TENM4: variants seen among roughly 807,000 people sequenced by gnomAD.
TENM4 encodes the protein teneurin-4.
Under a neutral mutation model 243.3 loss-of-function variants are expected in TENM4, and 82 were observed. The observed-to-expected ratio is 0.34, with a 90% CI of 0.28 to 0.40. The LOEUF (loss-of-function observed/expected upper bound fraction) is 0.40. Ranked by LOEUF, TENM4 falls within the 10% of genes least tolerant of loss-of-function variation. The probability of loss-of-function intolerance (pLI) is 1.00; values close to 1 mark genes in which losing one functional copy is unlikely to be tolerated. For missense variants in TENM4, 3,138 were observed against 3,673.3 expected (o/e 0.85, Z 3.77); for synonymous variants, 1,412 against 1,456.3 (o/e 0.97, Z 0.69).
At chr11:78,753,090 T>C (rs1462144642) in intron 19 of TENM4, among the ~76,000 whole-genome samples, 1 of 152,198 alleles carries the variant, frequency 6.6e-6, no homozygotes, top group Non-Finnish European at 1.5e-5. Context: ...GGAATTTTCC[T>C]AAGGTTACAA....
chr11:79,376,446 T>C (rs1452124100), intron 1 of TENM4, among the ~76,000 whole-genome samples: 1 of 152,240 alleles, frequency 6.6e-6, no homozygotes, highest in Non-Finnish European at 1.5e-5. Flanking sequence ...TGGGGCTACC[T>C]GCCTCACTCC....
chr11:78,705,245 C>T (rs1461619661), intron 27 of TENM4, among the ~76,000 whole-genome samples: 2 of 152,136 alleles, frequency 1.3e-5, no homozygotes, highest in African/African-American at 2.4e-5. Flanking sequence ...ATGAAAAGAT[C>T]GTTCCTTGAT....
At chr11:78,931,300 T>C (rs987164216) in intron 6 of TENM4, among the ~76,000 whole-genome samples, 12 of 152,188 alleles carry the variant, frequency 7.9e-5, no homozygotes, top group Admixed American at 2.6e-4. Context: ...GTCTGAGTCC[T>C]AACAGCAGGC....
chr11:79,257,468 A>T (rs1855719479), intron 2 of TENM4, among the ~76,000 whole-genome samples: 1 of 152,126 alleles, frequency 6.6e-6, no homozygotes. Context: ...GAGGGAGAGG[A>T]CACCAGCCAG....
chr11:78,744,335 G>A (rs1044999282), intron 19 of TENM4, among the ~76,000 whole-genome samples: 1 of 152,162 alleles, frequency 6.6e-6, no homozygotes, highest in Non-Finnish European at 1.5e-5. Context: ...AACATCTTCT[G>A]CCTATATACG....
At chr11:78,902,166 A>G (rs918414748) in intron 7 of TENM4, among the ~76,000 whole-genome samples, 1 of 152,186 alleles carries the variant, frequency 6.6e-6, no homozygotes, top group Non-Finnish European at 1.5e-5. Flanking sequence ...AGCCTAGGAC[A>G]CTTCATCTAC....
chr11:79,118,550 GCCCTATT>G (rs1026910673), intron 4 of TENM4, among the ~76,000 whole-genome samples: 50 of 152,014 alleles, frequency 3.3e-4, no homozygotes, highest in African/African-American at 1.2e-3. Flanking sequence ...AGACAATAAA[GCCCTATT>G]CCCCCTTCCC....
At chr11:78,913,121 T>C (rs565284354) in intron 6 of TENM4, among the ~76,000 whole-genome samples, 28 of 152,326 alleles carry the variant, frequency 1.8e-4, no homozygotes, top group African/African-American at 6.7e-4. Flanking sequence ...GCAAGTCGTG[T>C]ATTATATTGT....
intron 6 of TENM4, among the ~76,000 whole-genome samples, chr11:78,984,142 A>G (rs535382639): frequency 2.6e-5 from 4 of 152,276 alleles, no homozygotes; most frequent in African/African-American, 9.6e-5. Flanking sequence ...TTCAAACCCC[A>G]TCTCTGCGTC....
At chr11:78,903,566 T>C (rs1468485198) in intron 6 of TENM4, 43 bp from the exon 7 acceptor site, 3 of 1,539,936 alleles carry the variant, frequency 1.9e-6, no homozygotes, top group Non-Finnish European at 2.6e-6. Flanking sequence ...AGCTTGGTGC[T>C]GCCCCTCGGC....
At chr11:79,044,968 C>A (rs1859623622) in intron 6 of TENM4, among the ~76,000 whole-genome samples, 1 of 152,106 alleles carries the variant, frequency 6.6e-6, no homozygotes, top group South Asian at 2.1e-4. Context: ...ATCATTTTAA[C>A]CATTTAAAAG....
At chr11:78,968,312 T>G (rs1857477324) in intron 6 of TENM4, among the ~76,000 whole-genome samples, 1 of 152,086 alleles carries the variant, frequency 6.6e-6, no homozygotes, top group Non-Finnish European at 1.5e-5. Flanking sequence ...TGAGATGGGG[T>G]CTTACTCTGT....
At chr11:79,203,818 T>G (rs1863794300) in intron 3 of TENM4, among the ~76,000 whole-genome samples, 1 of 152,156 alleles carries the variant, frequency 6.6e-6, no homozygotes, top group Non-Finnish European at 1.5e-5. Context: ...CTATCATCTC[T>G]CTCCCAAAAT....
intron 12 of TENM4, 95 bp from the exon 13 acceptor site, chr11:78,814,490 A>G (rs922735544): frequency 2.0e-6 from 2 of 1,018,206 alleles, no homozygotes; most frequent in African/African-American, 1.7e-5. Flanking sequence ...AGACCCACAT[A>G]TTTGAGCTCT....
chr11:78,818,721 T>G (rs1857661018), intron 12 of TENM4, among the ~76,000 whole-genome samples: 1 of 152,172 alleles, frequency 6.6e-6, no homozygotes, highest in Admixed American at 6.5e-5. Flanking sequence ...AATGCGTAAG[T>G]ACTGTGGATG....
chr11:78,983,952 T>C (rs1017265180), intron 6 of TENM4, among the ~76,000 whole-genome samples: 4 of 152,200 alleles, frequency 2.6e-5, no homozygotes, highest in African/African-American at 9.7e-5. Flanking sequence ...GGGAATGTTC[T>C]AGAGAAAATG....
At chr11:79,001,225 A>G (rs1322629967) in intron 6 of TENM4, among the ~76,000 whole-genome samples, 2 of 152,186 alleles carry the variant, frequency 1.3e-5, no homozygotes, top group East Asian at 3.9e-4. Flanking sequence ...GAGCCAGGAG[A>G]AATGTCTGCC....
At chr11:79,325,563 C>G (rs867820073) in intron 1 of TENM4, among the ~76,000 whole-genome samples, 12 of 152,290 alleles carry the variant, frequency 7.9e-5, no homozygotes, top group Middle Eastern at 3.4e-3. Flanking sequence ...TGCATCCTCC[C>G]CTGTCAAATG....
intron 25 of TENM4, among the ~76,000 whole-genome samples, chr11:78,713,800 T>G (rs946696538): frequency 7.2e-5 from 11 of 152,206 alleles, no homozygotes; most frequent in African/African-American, 2.7e-4. Context: ...TATCTCTTAT[T>G]AAGACTGAAT....
Sources: gnomAD v4.1 joint callset for allele counts (sites outside exome capture counted in the v4.1 genomes callset) on GRCh38, gnomAD v4.1.1 for gene constraint, MANE v1.5 for transcripts, NCBI Gene and HGNC (gene_info 2026-07-23, HGNC 2026-07-21) for gene names.